The following TCF7L2 variants were observed in gnomAD, a reference collection of about 807,000 sequenced individuals.
TCF7L2 encodes the protein transcription factor 7-like 2.
TCF7L2 carries 23 observed loss-of-function variants against 77.9 expected under a neutral mutation model. That is an observed-to-expected ratio of 0.30 (90% CI 0.21 to 0.42). TCF7L2 has a LOEUF of 0.42. TCF7L2 is among the 10% of genes least tolerant of loss of function. The pLI is 1.00. For missense variants in TCF7L2, 654 were observed against 793.1 expected (o/e 0.82, Z 2.11); for synonymous variants, 413 against 340.2 (o/e 1.21, Z -2.36).
chr10:113,013,979 A>G (rs1312060796), intron 4 of TCF7L2, among the ~76,000 whole-genome samples: 1 of 152,132 alleles, frequency 6.6e-6, no homozygotes, highest in African/African-American at 2.4e-5. Context: ...TGAAGTTTTT[A>G]AAAATTTTTA....
At chr10:113,048,072 A>G (rs918311964) in intron 5 of TCF7L2, among the ~76,000 whole-genome samples, 2 of 152,146 alleles carry the variant, frequency 1.3e-5, no homozygotes, top group Non-Finnish European at 2.9e-5. Flanking sequence ...GGCCTTCCCT[A>G]GAGTGGGGCT....
chr10:113,033,745 A>G lies in TCF7L2; in HGVS notation c.451-6280A>G, dbSNP rs557529031. 3.1e-3 allele frequency among the ~76,000 whole-genome samples: 472 copies of G among 152,302 alleles called. 3 individuals carry two copies. Among genetic ancestry groups the G allele is most frequent in the Non-Finnish European group, 4.7e-3 (321 of 68,030 alleles). ...CGTCTTAGGCTTTCTGGATTTTTTCAAAAGATGCAATTCCTGGAGTATGTT... is the reference window on the plus strand; with the variant it reads ...CGTCTTAGGCTTTCTGGATTTTTTCGAAAGATGCAATTCCTGGAGTATGTT... On this transcript the variant is annotated intron_variant, in intron 4 of 13. Transcript: ENST00000627217.
intron 4 of TCF7L2, among the ~76,000 whole-genome samples, chr10:112,967,214 G>A (rs901215595): frequency 5.3e-5 from 8 of 152,190 alleles, no homozygotes; most frequent in Admixed American, 2.6e-4. Flanking sequence ...TAAATGCAGC[G>A]TGATTGTCGG....
At chr10:112,966,133 C>CCACTG (rs1315212863) in intron 4 of TCF7L2, among the ~76,000 whole-genome samples, 1 of 147,360 alleles carries the variant, frequency 6.8e-6, no homozygotes, top group African/African-American at 2.6e-5. Context: ...CGAGATCACG[C>CCACTG]CACTGCACTC....
At position 113,069,233 on chromosome 10, in the gene TCF7L2, CT is replaced by C. The variant is rs542054630; in HGVS notation, c.552+29122del. 8.5e-3 allele frequency among the ~76,000 whole-genome samples: 1,183 copies of C among 139,150 alleles called. 3 individuals carry two copies. Among genetic ancestry groups the C allele is most frequent in the African/African-American group, 0.019 (721 of 38,124 alleles). 91.3% of individuals were successfully genotyped at this position (139,150 alleles called of 152,430 possible). A position where few individuals can be genotyped will look rare whatever the true frequency, so the allele number is the denominator to read the frequency against. ...TGCAACAGTGTCTGTAACTCATATT[CT>C]TTTTTTTTTTTTTTAGACAGAGTCT... On this transcript the variant is annotated intron_variant, in intron 5 of 13. Coordinates refer to ENST00000627217, the MANE Select transcript of TCF7L2 (RefSeq NM_001146274.2).
chr10:113,113,673 C>T (rs1448396854), intron 5 of TCF7L2, among the ~76,000 whole-genome samples: 2 of 152,200 alleles, frequency 1.3e-5, no homozygotes, highest in African/African-American at 4.8e-5. Context: ...ATTTCTGCAG[C>T]ATTTAAAGAA....
intron 13 of TCF7L2, among the ~76,000 whole-genome samples, chr10:113,163,886 G>A (rs2073604988): frequency 6.6e-6 from 1 of 152,162 alleles, no homozygotes; most frequent in Non-Finnish European, 1.5e-5. Flanking sequence ...GCACAGAGGG[G>A]CATGATCAGA....
At chr10:113,033,067 C>G (rs967801657) in intron 4 of TCF7L2, among the ~76,000 whole-genome samples, 1 of 152,134 alleles carries the variant, frequency 6.6e-6, no homozygotes, top group Non-Finnish European at 1.5e-5. Context: ...AAGGGAAAAA[C>G]TTAAAAGAGT....
rs371051200 is a variant in TCF7L2 at position 113,153,959 on chromosome 10, G to A, written c.1269+1519G>A. On this transcript the variant is annotated intron_variant, in intron 11 of 13. Coordinates refer to ENST00000627217, the MANE Select transcript of TCF7L2 (RefSeq NM_001146274.2). ...GGAGGTGCCCCTGGCCATCTTTCTC[G>A]AGGCCCTGCCCCCTTAGCTGGCAGC... is the stretch of plus-strand genomic sequence containing the variant. 1.1e-3 allele frequency among the ~76,000 whole-genome samples: 171 copies of A among 152,290 alleles called. 4 individuals carry two copies. The South Asian group carries it at 0.034, about 30-fold the overall frequency.
At chr10:113,165,144 A>G (rs975341495) in intron 13 of TCF7L2, among the ~76,000 whole-genome samples, 2 of 152,162 alleles carry the variant, frequency 1.3e-5, no homozygotes, top group African/African-American at 4.8e-5. Flanking sequence ...AGGAAACTTG[A>G]TGGGAAAGTG....
chr10:112,972,313 T>C (rs2038451246), intron 4 of TCF7L2, among the ~76,000 whole-genome samples: 1 of 152,216 alleles, frequency 6.6e-6, no homozygotes, highest in Admixed American at 6.5e-5. Context: ...CCAGATACTT[T>C]TGCAAAGCTT....
chr10:112,965,373 C>T (rs1447213384), intron 4 of TCF7L2, among the ~76,000 whole-genome samples: 1 of 152,160 alleles, frequency 6.6e-6, no homozygotes, highest in African/African-American at 2.4e-5. Flanking sequence ...CAGACTAATA[C>T]GATTTTCGTC....
chr10:112,964,895 T>C (rs894399396), intron 4 of TCF7L2, among the ~76,000 whole-genome samples: 2 of 151,580 alleles, frequency 1.3e-5, no homozygotes, highest in South Asian at 4.2e-4. Context: ...TTTAGAGATA[T>C]GGAAAGAAAG....
At chr10:113,159,944 G>A (rs2072852669) in intron 12 of TCF7L2, 4 of 1,591,378 alleles carry the variant, frequency 2.5e-6, no homozygotes, top group Non-Finnish European at 2.6e-6. Context: ...AAGAAATGCC[G>A]AGCGCGCTTT....
intron 5 of TCF7L2, among the ~76,000 whole-genome samples, chr10:113,123,978 G>T (rs916361819): frequency 3.3e-5 from 5 of 152,160 alleles, no homozygotes; most frequent in Non-Finnish European, 7.3e-5. Flanking sequence ...GGGCAAGATA[G>T]GATGTTTGTA....
At chr10:113,104,701 A>T (rs2062061809) in intron 5 of TCF7L2, among the ~76,000 whole-genome samples, 1 of 152,194 alleles carries the variant, frequency 6.6e-6, no homozygotes. Context: ...ACTGAGCTCT[A>T]CACCTGGATG....
At chr10:113,042,465 G>T (rs1196142313) in intron 5 of TCF7L2, among the ~76,000 whole-genome samples, 2 of 152,162 alleles carry the variant, frequency 1.3e-5, no homozygotes, top group Admixed American at 1.3e-4. Flanking sequence ...GGGGAGAAGG[G>T]AAAAGCCATG....
chr10:113,145,958 T>TGGGCCC, intron 7 of TCF7L2, 53 bp from the exon 8 acceptor site: 4 of 1,350,216 alleles, frequency 3.0e-6, no homozygotes, highest in Non-Finnish European at 2.1e-6. Context: ...CTTTTTCTTG[T>TGGGCCC]CCCCACCCCC....
At chr10:112,970,424 G>A (rs970396698) in intron 4 of TCF7L2, among the ~76,000 whole-genome samples, 2 of 151,596 alleles carry the variant, frequency 1.3e-5, no homozygotes, top group Admixed American at 1.3e-4. Context: ...CCAGGGCCTG[G>A]GTGCTTTTTG....
Sources: gnomAD v4.1 joint callset for allele counts (sites outside exome capture counted in the v4.1 genomes callset) on GRCh38, gnomAD v4.1.1 for gene constraint, MANE v1.5 for transcripts, NCBI Gene and HGNC (gene_info 2026-07-23, HGNC 2026-07-21) for gene names.